The following TMPO variants were observed in gnomAD, a reference collection of about 807,000 sequenced individuals.
The protein encoded by TMPO is LEM domain containing 4.
Under a neutral mutation model 45.4 loss-of-function variants are expected in TMPO, and 22 were observed. The ratio of observed to expected loss-of-function variants is 0.48; its 90% CI spans 0.35 to 0.69. The LOEUF is 0.69. TMPO is among the 30% of genes least tolerant of loss of function. TMPO has a pLI of 0.01. For missense variants in TMPO, 512 were observed against 548.8 expected (o/e 0.93, Z 0.67); for synonymous variants, 241 against 204.1 (o/e 1.18, Z -1.54).
intron 3 of TMPO, among the ~76,000 whole-genome samples, chr12:98,536,232 T>C (rs1354270720): frequency 1.3e-5 from 2 of 152,362 alleles, no homozygotes; most frequent in African/African-American, 4.8e-5. Flanking sequence ...TGTAAAACTT[T>C]AGAATTGACT....
chr12:98,541,473 CAT>C (rs1877910422), intron 4 of TMPO, among the ~76,000 whole-genome samples: 1 of 152,182 alleles, frequency 6.6e-6, no homozygotes, highest in Non-Finnish European at 1.5e-5. Flanking sequence ...AGTATCACAA[CAT>C]ATATGTGTTT....
intron 7 of TMPO, among the ~76,000 whole-genome samples, chr12:98,546,103 A>T (rs1878213459): frequency 6.6e-6 from 1 of 152,050 alleles, no homozygotes; most frequent in Admixed American, 6.6e-5. Context: ...AGATTACTGA[A>T]TTTTTTCCCC....
intron 3 of TMPO, chr12:98,534,370 C>G (rs768954433): frequency 1.9e-6 from 3 of 1,608,102 alleles, no homozygotes; most frequent in East Asian, 2.2e-5. Flanking sequence ...AGACATCTAT[C>G]TTATCTTTCA....
intron 3 of TMPO, chr12:98,534,319 A>C (rs1482407845): frequency 6.2e-7 from 1 of 1,612,796 alleles, no homozygotes; most frequent in Admixed American, 1.7e-5. Flanking sequence ...CAAAGTAATT[A>C]AAAAGCGTGG....
In TMPO at chr12:98,528,040, A is replaced by G. The variant is rs199808981; in HGVS notation, c.406+28A>G. 3.7e-6 allele frequency: 6 copies of G among 1,613,428 alleles called. No homozygotes were observed. In the East Asian group the frequency reaches 6.7e-5, roughly 18 times the overall value. On this transcript the variant is annotated intron_variant, in intron 2 of 8. Transcript: ENST00000556029. ...AAGTTGATAAAATTTCAAATACAGT[A>G]TCTTTTCTCTGAAGCAGGACCCCAA...
At position 98,531,673 on chromosome 12, in the gene TMPO, A is replaced by G; in HGVS notation, c.407-7A>G. ...CAGGTACTAAAGCAAGTTCTGCCTT[A>G]ATCCAGGAACAACCAGGAAGCTATA... is the stretch of plus-strand genomic sequence containing the variant. On this transcript the variant is annotated splice_region_variant and splice_polypyrimidine_tract_variant and intron_variant, in intron 2 of 8. Transcript: ENST00000556029. The G allele has an allele frequency of 6.2e-7, 1 of 1,612,126 alleles. No individual in the cohort carries two copies. Among genetic ancestry groups the G allele is most frequent in the Non-Finnish European group, 8.5e-7 (1 of 1,179,876 alleles).
intron 4 of TMPO, among the ~76,000 whole-genome samples, chr12:98,538,241 A>G (rs1877692007): frequency 6.6e-6 from 1 of 152,180 alleles, no homozygotes. Flanking sequence ...TGCAGCATTG[A>G]TTTGGCTGAT....
intron 3 of TMPO, chr12:98,535,433 G>A: frequency 2.0e-6 from 2 of 985,272 alleles, no homozygotes; most frequent in Non-Finnish European, 2.4e-6. Flanking sequence ...ATAAAATATG[G>A]TCTCTTGGGT....
chr12:98,524,194 C>G lies in TMPO; in HGVS notation c.280-3692C>G, dbSNP rs73382585. Reference sequence around the variant, plus strand: ...TGCCTCAATGCTGCATCCAGATCACCTGGGCTACACAATTACAAACAGATT... The same window carrying G: ...TGCCTCAATGCTGCATCCAGATCACGTGGGCTACACAATTACAAACAGATT... On this transcript the variant is annotated intron_variant, in intron 1 of 8. Transcript: ENST00000556029. Among the ~76,000 whole-genome samples, 696 of 152,266 alleles carry G rather than the reference C, an allele frequency of 4.6e-3. 7 individuals carry two copies. Among genetic ancestry groups the G allele is most frequent in the African/African-American group, 0.016 (666 of 41,554 alleles).
chr12:98,519,754 GTTATAA>G (rs947029670), intron 1 of TMPO, among the ~76,000 whole-genome samples: 3 of 152,094 alleles, frequency 2.0e-5, no homozygotes, highest in Non-Finnish European at 2.9e-5. Context: ...GTACAAGTGA[GTTATAA>G]TTAGGAGTCT....
chr12:98,526,197 A>T (rs2121161513), intron 1 of TMPO, among the ~76,000 whole-genome samples: 1 of 152,330 alleles, frequency 6.6e-6, no homozygotes, highest in Non-Finnish European at 1.5e-5. Context: ...TAATCTGGTG[A>T]CTAAACTGTG....
Position 98,516,124 on chromosome 12 carries a change from G to A in TMPO, c.257G>A (p.Arg86Gln). 6.7e-7 allele frequency: 1 copy of A among 1,491,560 alleles called. No homozygotes were observed. Among genetic ancestry groups the A allele is most frequent in the Non-Finnish European group, 8.8e-7 (1 of 1,130,984 alleles). 92.4% of individuals were successfully genotyped at this position (1,491,560 alleles called of 1,614,324 possible). ...VLGSGAAAAG[R>Q]SRAAVGRKAT... is the part of the protein sequence containing the mutation. The stretch of plus-strand genomic sequence containing the variant: ...GGCTCTGGGGCCGCCGCCGCGGGCC[G>A]GAGCCGAGCAGCCGTCGGCAGGGTA... Residue 86 changes from arginine (R) to glutamine (Q), a missense_variant, in exon 1 of 9, where the codon CGG becomes CAG. Arg to Gln is a conservative substitution (Grantham distance 43). Transcript: ENST00000556029.
chr12:98,539,156 C>T (rs1260048536), intron 4 of TMPO, among the ~76,000 whole-genome samples: 2 of 151,878 alleles, frequency 1.3e-5, no homozygotes, highest in African/African-American at 2.4e-5. Flanking sequence ...GCCGAGATCG[C>T]GCCATTGCAC....
chr12:98,538,874 G>C (rs1332967665), intron 4 of TMPO, among the ~76,000 whole-genome samples: 1 of 152,098 alleles, frequency 6.6e-6, no homozygotes, highest in Non-Finnish European at 1.5e-5. Flanking sequence ...TTATGTAGTA[G>C]TCCTAACAAA....
chr12:98,549,363 T>C lies in TMPO; in HGVS notation c.*1505T>C, dbSNP rs1208990940. On this transcript the variant is annotated 3_prime_UTR_variant, in exon 9 of 9. Coordinates refer to ENST00000556029, the MANE Select transcript of TMPO (RefSeq NM_001032283.3). ...CCTCGGCAGAGACGGGGTTTCACCA[T>C]GTTGGCCAGGCTGGTCTCGAACCCC... 6.6e-5 allele frequency: 10 copies of C among 151,142 alleles called. No homozygotes were observed. Among genetic ancestry groups the C allele is most frequent in the African/African-American group, 2.4e-4 (10 of 41,084 alleles). 9.4% of individuals were successfully genotyped at this position (151,142 alleles called of 1,614,324 possible).
intron 3 of TMPO, among the ~76,000 whole-genome samples, chr12:98,536,836 A>T (rs574200778): frequency 1.3e-5 from 2 of 152,340 alleles, no homozygotes; most frequent in East Asian, 3.9e-4. Context: ...TATTTTTATT[A>T]TAAGGACTGG....
rs567209214 is a variant in TMPO, at chr12:98,528,121, A to C, written c.406+109A>C. On this transcript the variant is annotated intron_variant, in intron 2 of 8. Coordinates refer to ENST00000556029, the MANE Select transcript of TMPO (RefSeq NM_001032283.3). ...GGTTCCAAGGACTGGTTTGTCATTA[A>C]TCATTTGTTATCAGCAGAACCTGTG... The C allele has an allele frequency of 7.3e-5, 88 of 1,208,288 alleles. 1 individual carries two copies. The South Asian group carries it at 9.7e-4, about 13-fold the overall frequency. 74.8% of individuals were successfully genotyped at this position (1,208,288 alleles called of 1,614,324 possible). A position where few individuals can be genotyped will look rare whatever the true frequency, so the allele number is the denominator to read the frequency against.
intron 3 of TMPO, among the ~76,000 whole-genome samples, chr12:98,536,439 C>T (rs1030334470): frequency 3.3e-5 from 5 of 151,948 alleles, no homozygotes; most frequent in South Asian, 2.1e-4. Context: ...CTGCAACCTC[C>T]GCCTCCCAGG....
At chr12:98,544,135 A>T in intron 4 of TMPO, 95 bp from the exon 5 acceptor site, 2 of 1,374,706 alleles carry the variant, frequency 1.5e-6, no homozygotes, top group South Asian at 1.2e-5. Flanking sequence ...GCATTTGGAG[A>T]CTTCTATTTC....
Sources: gnomAD v4.1 joint callset for allele counts (sites outside exome capture counted in the v4.1 genomes callset) on GRCh38, gnomAD v4.1.1 for gene constraint, MANE v1.5 for transcripts, NCBI Gene and HGNC (gene_info 2026-07-23, HGNC 2026-07-21) for gene names.